The following NRBF2 variants were observed in gnomAD, a reference collection of about 807,000 sequenced individuals.
NRBF2 encodes the protein nuclear receptor-binding factor 2.
A neutral mutation model predicts 28.5 loss-of-function variants in NRBF2; 12 were observed. The observed-to-expected ratio is 0.42, with a 90% CI of 0.27 to 0.68. NRBF2 has a LOEUF of 0.68. NRBF2 is among the 30% of genes least tolerant of loss of function. The pLI is 0.24. For missense variants in NRBF2, 274 were observed against 333.5 expected (o/e 0.82, Z 1.39); for synonymous variants, 102 against 116.5 (o/e 0.88, Z 0.80).
rs1188970973 is a variant in NRBF2, at chr10:63,154,311, G to A, written c.*93G>A. 2.4e-6 allele frequency: 2 copies of A among 842,188 alleles called. No individual in the cohort carries two copies. The highest frequency in any genetic ancestry group is 3.7e-6 in the Non-Finnish European group (2 of 541,464). The allele number at this position is 842,188 out of a possible 1,614,324, so 52.2% of individuals were successfully genotyped here. On this transcript the variant is annotated 3_prime_UTR_variant, in exon 4 of 4. Transcript: ENST00000277746. Reference sequence around the variant, plus strand: ...TGAAAAGGGAAAACCACATAGAAGGGTAATCCCGGAAATGCTTCATCTGGT... The same window carrying A: ...TGAAAAGGGAAAACCACATAGAAGGATAATCCCGGAAATGCTTCATCTGGT...
chr10:63,145,202 G>A (rs1016154159), intron 1 of NRBF2, among the ~76,000 whole-genome samples: 1 of 144,874 alleles, frequency 6.9e-6, no homozygotes, highest in African/African-American at 2.6e-5. Flanking sequence ...CTGCCTCCCA[G>A]GTTCAAGCAG....
intron 2 of NRBF2, among the ~76,000 whole-genome samples, chr10:63,149,371 A>G (rs775689677): frequency 6.6e-6 from 1 of 152,172 alleles, no homozygotes; most frequent in Non-Finnish European, 1.5e-5. Context: ...GCCCGGCCCA[A>G]TGTTGTTATT....
chr10:63,144,051 C>T (rs939374626), intron 1 of NRBF2, among the ~76,000 whole-genome samples: 1 of 152,112 alleles, frequency 6.6e-6, no homozygotes, highest in African/African-American at 2.4e-5. Context: ...AGCCACAGCA[C>T]CCAGCCACTT....
Position 63,153,515 on chromosome 10 carries a change from A to G in NRBF2, c.161A>G (p.His54Arg), listed in dbSNP as rs1277944826. 1 of 1,602,832 alleles carries G rather than the reference A, an allele frequency of 6.2e-7. No homozygotes were observed. The highest frequency in any genetic ancestry group is 1.1e-5 in the South Asian group (1 of 90,060). Residue 54 changes from histidine (H) to arginine (R), a missense_variant, in exon 4 of 4, where the codon CAT becomes CGT. Physicochemically the swap from His to Arg is conservative, Grantham distance 29 (BLOSUM62 0). Transcript: ENST00000277746. ...ATCTTTCCTTCTATGTAATAGGCTC[A>G]TCTTTCACTGGAATTGCAAAGGGAT... The part of the protein sequence containing the change: ...AMKLTQSEQA[H>R]LSLELQRDSH...
chr10:63,137,635 TCTTA>T (rs1297260560), intron 1 of NRBF2, among the ~76,000 whole-genome samples: 2 of 152,314 alleles, frequency 1.3e-5, no homozygotes, highest in South Asian at 2.1e-4. Context: ...TAATGAAGCC[TCTTA>T]CTTTCCAGCT....
At chr10:63,139,193 G>A (rs996704364) in intron 1 of NRBF2, among the ~76,000 whole-genome samples, 1 of 151,950 alleles carries the variant, frequency 6.6e-6, no homozygotes, top group Non-Finnish European at 1.5e-5. Context: ...TATTTTTAGC[G>A]TAGATGGGGT....
At chr10:63,147,709 A>C (rs1412499442) in intron 2 of NRBF2, among the ~76,000 whole-genome samples, 3 of 151,028 alleles carry the variant, frequency 2.0e-5, no homozygotes, top group Non-Finnish European at 2.9e-5. Context: ...TGCACCCATC[A>C]ACCTGTTGTC....
chr10:63,153,224 C>CT (rs1353817411), intron 3 of NRBF2, among the ~76,000 whole-genome samples: 1 of 152,112 alleles, frequency 6.6e-6, no homozygotes, highest in Non-Finnish European at 1.5e-5. Context: ...GATAGGAAGA[C>CT]TTTCTTTTTA....
At chr10:63,148,321 G>A (rs1589020657) in intron 2 of NRBF2, among the ~76,000 whole-genome samples, 1 of 152,210 alleles carries the variant, frequency 6.6e-6, no homozygotes, top group Admixed American at 6.5e-5. Flanking sequence ...ATCCCACTGA[G>A]TTGATTGGGT....
chr10:63,149,239 C>T (rs1841609360), intron 2 of NRBF2, among the ~76,000 whole-genome samples: 2 of 152,202 alleles, frequency 1.3e-5, no homozygotes, highest in East Asian at 3.8e-4. Context: ...GCCTCAGCCT[C>T]CCAAGTAGCT....
chr10:63,153,746 A>C lies in NRBF2; in HGVS notation c.392A>C (p.Gln131Pro). ...PSTEKCLPEI[Q>P]GIFDRDPDTL... is the part of the protein sequence containing the mutation. ...ACAGAGAAATGCCTGCCTGAGATTC[A>C]GGGGATCTTTGACAGGGATCCAGAC... The change falls in exon 4 of 4, where the codon CAG becomes CCG. Residue 131 changes from glutamine to proline, a missense_variant. Gln to Pro is a moderately conservative substitution (Grantham distance 76). Transcript: ENST00000277746. The C allele has an allele frequency of 6.2e-7, 1 of 1,612,812 alleles. No individual in the cohort carries two copies. Among genetic ancestry groups the C allele is most frequent in the South Asian group, 1.1e-5 (1 of 91,010 alleles).
At chr10:63,150,843 A>G (rs186653075) in intron 2 of NRBF2, among the ~76,000 whole-genome samples, 97 of 152,332 alleles carry the variant, frequency 6.4e-4, no homozygotes, top group African/African-American at 2.2e-3. Flanking sequence ...TTAGATTATC[A>G]TAAGGAGAGT....
intron 1 of NRBF2, among the ~76,000 whole-genome samples, chr10:63,140,810 C>T (rs1841452772): frequency 6.6e-6 from 1 of 151,988 alleles, no homozygotes; most frequent in East Asian, 1.9e-4. Flanking sequence ...AAGCGATTCT[C>T]CTGCCTCAGC....
chr10:63,141,506 G>C (rs1479914997), intron 1 of NRBF2, among the ~76,000 whole-genome samples: 1 of 152,188 alleles, frequency 6.6e-6, no homozygotes, highest in Non-Finnish European at 1.5e-5. Flanking sequence ...TCAACTTCTT[G>C]ATGGCAGGTA....
At chr10:63,141,071 T>C (rs1405509091) in intron 1 of NRBF2, among the ~76,000 whole-genome samples, 1 of 152,190 alleles carries the variant, frequency 6.6e-6, no homozygotes, top group Non-Finnish European at 1.5e-5. Context: ...TTAATATGTG[T>C]AAACTGTAAA....
intron 1 of NRBF2, among the ~76,000 whole-genome samples, chr10:63,134,434 T>C (rs918742692): frequency 6.6e-6 from 1 of 152,236 alleles, no homozygotes; most frequent in Admixed American, 6.5e-5. Flanking sequence ...AAGAAAGCTC[T>C]ATAGAGGATT....
rs778859963 is a variant in NRBF2, at chr10:63,146,259, C to T, written c.81C>T (p.Tyr27=). The change falls in exon 2 of 4, where the codon TAC becomes TAT. Residue 27 remains tyrosine (Y), a synonymous_variant. Transcript: ENST00000277746. ...ACCGTTTATTAGCTGCAGGCAAATA[C>T]GAAGAGGCTATTTCTTGTCACAAAA... ...RADRLLAAGK[Y]EEAISCHKKA... 9 of 1,612,600 alleles carry T rather than the reference C, an allele frequency of 5.6e-6. 1 individual carries two copies. In the Middle Eastern group the frequency reaches 7.3e-4, roughly 132 times the overall value.
intron 1 of NRBF2, among the ~76,000 whole-genome samples, chr10:63,140,875 A>AT (rs957309318): frequency 1.3e-5 from 2 of 151,780 alleles, no homozygotes; most frequent in African/African-American, 4.8e-5. Context: ...TAATTTTTGT[A>AT]TTTTTTGTAG....
chr10:63,150,436 G>C (rs1311710156), intron 2 of NRBF2: 2 of 801,040 alleles, frequency 2.5e-6, no homozygotes, highest in African/African-American at 3.8e-5. Context: ...TTTTTAAATT[G>C]ATACAGGGTC....
Sources: allele counts gnomAD v4.1 joint callset (sites outside exome capture counted in the v4.1 genomes callset), GRCh38; gene constraint gnomAD v4.1.1; transcripts MANE v1.5; gene names NCBI Gene and HGNC (gene_info 2026-07-23, HGNC 2026-07-21).